APBA1: variants seen among roughly 807,000 people sequenced by gnomAD.
The protein encoded by APBA1 is amyloid-beta A4 precursor protein-binding family A member 1.
Under a neutral mutation model 86.6 loss-of-function variants are expected in APBA1, and 55 were observed. The observed-to-expected ratio is 0.64, with a 90% CI of 0.51 to 0.80. The LOEUF (loss-of-function observed/expected upper bound fraction) is 0.80, where lower values mean the gene tolerates loss of function less well. Ranked by LOEUF, APBA1 falls within the 30% of genes least tolerant of loss-of-function variation. APBA1 has a pLI of 0.00. For missense variants in APBA1, 1,090 were observed against 1,183.0 expected (o/e 0.92, Z 1.15); for synonymous variants, 511 against 493.9 (o/e 1.03, Z -0.46).
At chr9:69,484,574 T>C (rs1292465049) in intron 2 of APBA1, among the ~76,000 whole-genome samples, 1 of 152,210 alleles carries the variant, frequency 6.6e-6, no homozygotes, top group Non-Finnish European at 1.5e-5. Flanking sequence ...ACATTCAATG[T>C]TCAGCTCAAA....
At chr9:69,528,171 T>C (rs1164276099) in intron 1 of APBA1, among the ~76,000 whole-genome samples, 1 of 152,152 alleles carries the variant, frequency 6.6e-6, no homozygotes, top group Admixed American at 6.5e-5. Context: ...ATTTATATTA[T>C]TGTGTGATGA....
rs151064536 is a variant in APBA1 at position 69,660,500 on chromosome 9, T to C, written c.-70+11653A>G. Among the ~76,000 whole-genome samples, 132 of 152,332 alleles carry C rather than the reference T, an allele frequency of 8.7e-4. 5 individuals are homozygous for C. The East Asian group carries it at 0.023, about 27-fold the overall frequency. ...AACAAGCGCTTTTCATGCTGAAATG[T>C]TGGTTTTGTTTGTCTGTTTGCTTTT... On this transcript the variant is annotated intron_variant, in intron 1 of 12. Coordinates refer to ENST00000265381, the MANE Select transcript of APBA1 (RefSeq NM_001163.4).
chr9:69,602,040 A>C (rs10120072), intron 1 of APBA1, among the ~76,000 whole-genome samples: 3 of 152,230 alleles, frequency 2.0e-5, no homozygotes, highest in Non-Finnish European at 4.4e-5. Context: ...AACCATTCAT[A>C]CATTCAAAAG....
chr9:69,619,459 C>T (rs1822769806), intron 1 of APBA1, among the ~76,000 whole-genome samples: 1 of 152,174 alleles, frequency 6.6e-6, no homozygotes, highest in Non-Finnish European at 1.5e-5. Flanking sequence ...AATCTCTATT[C>T]CCTCAGCCAT....
At chr9:69,607,178 T>C (rs760409836) in intron 1 of APBA1, among the ~76,000 whole-genome samples, 11 of 152,114 alleles carry the variant, frequency 7.2e-5, no homozygotes, top group African/African-American at 1.2e-4. Context: ...CTGGGTAATA[T>C]ATAAAGGAAA....
At chr9:69,448,020 C>G (rs932357999) in intron 10 of APBA1, among the ~76,000 whole-genome samples, 1 of 151,982 alleles carries the variant, frequency 6.6e-6, no homozygotes, top group East Asian at 1.9e-4. Flanking sequence ...CCCACCCCCC[C>G]GCTTGCCTCT....
intron 1 of APBA1, among the ~76,000 whole-genome samples, chr9:69,595,625 TGG>T (rs1429797608): frequency 6.6e-6 from 1 of 152,226 alleles, no homozygotes; most frequent in African/African-American, 2.4e-5. Flanking sequence ...TTTTTATTTG[TGG>T]GTTCATACAT....
chr9:69,654,519 C>A (rs1226125497), intron 1 of APBA1, among the ~76,000 whole-genome samples: 1 of 151,972 alleles, frequency 6.6e-6, no homozygotes, highest in South Asian at 2.1e-4. Context: ...AATAGAAAAC[C>A]TGAATAGACC....
chr9:69,536,417 T>C (rs1250225518), intron 1 of APBA1, among the ~76,000 whole-genome samples: 2 of 152,008 alleles, frequency 1.3e-5, no homozygotes, highest in Non-Finnish European at 2.9e-5. Flanking sequence ...CACACGCCTG[T>C]TCATTTGCCC....
Position 69,496,734 on chromosome 9 carries a change from C to T in APBA1, c.1200+19277G>A, listed in dbSNP as rs191242582. ...GGGCATCTCTCAAAACACTTTCTTC[C>T]GTCTATTAATTATTTAAAGAGAGAA... On this transcript the variant is annotated intron_variant, in intron 2 of 12. Coordinates refer to ENST00000265381, the MANE Select transcript of APBA1 (RefSeq NM_001163.4). Among the ~76,000 whole-genome samples the T allele has an allele frequency of 3.2e-4, 49 of 152,064 alleles. 1 individual carries two copies. Among genetic ancestry groups the T allele is most frequent in the African/African-American group, 1.0e-3 (43 of 41,430 alleles).
At chr9:69,591,995 A>T (rs535583411) in intron 1 of APBA1, among the ~76,000 whole-genome samples, 2 of 152,360 alleles carry the variant, frequency 1.3e-5, no homozygotes, top group African/African-American at 4.8e-5. Flanking sequence ...TCTTCAAGAC[A>T]TGCTCGTTTC....
chr9:69,655,477 C>T (rs1823590619), intron 1 of APBA1, among the ~76,000 whole-genome samples: 1 of 151,840 alleles, frequency 6.6e-6, no homozygotes. Context: ...GAAAGCAAAT[C>T]CATTTACAAT....
intron 2 of APBA1, among the ~76,000 whole-genome samples, chr9:69,494,730 G>C (rs1203345806): frequency 6.6e-6 from 1 of 152,090 alleles, no homozygotes; most frequent in Non-Finnish European, 1.5e-5. Context: ...AGCTCTGTGG[G>C]AGAGAAAAAC....
intron 1 of APBA1, among the ~76,000 whole-genome samples, chr9:69,612,032 GTC>G (rs919523084): frequency 3.3e-5 from 5 of 152,056 alleles, no homozygotes; most frequent in African/African-American, 1.2e-4. Flanking sequence ...TTATATTTGT[GTC>G]TCTATATATT....
At chr9:69,519,206 G>A (rs1358389186) in intron 1 of APBA1, among the ~76,000 whole-genome samples, 1 of 152,214 alleles carries the variant, frequency 6.6e-6, no homozygotes, top group Admixed American at 6.5e-5. Flanking sequence ...GCAGCAGGGT[G>A]GGGTGGGGAA....
At chr9:69,580,897 A>G (rs1187437307) in intron 1 of APBA1, among the ~76,000 whole-genome samples, 3 of 152,182 alleles carry the variant, frequency 2.0e-5, no homozygotes, top group Non-Finnish European at 4.4e-5. Flanking sequence ...CTAAAGAGCT[A>G]TCCCTAAACT....
intron 8 of APBA1, among the ~76,000 whole-genome samples, chr9:69,454,233 T>A (rs1163753002): frequency 6.6e-6 from 1 of 152,166 alleles, no homozygotes; most frequent in Non-Finnish European, 1.5e-5. Flanking sequence ...ACTTTACAAA[T>A]CACATCAAGA....
At chr9:69,523,499 A>ATATATATATG (rs1836292375) in intron 1 of APBA1, among the ~76,000 whole-genome samples, 1 of 31,138 alleles carries the variant, frequency 3.2e-5, no homozygotes, top group African/African-American at 7.6e-5. Context: ...ATATATATGT[A>ATATATATATG]TATATATATA....
At chr9:69,432,697 G>A in intron 11 of APBA1, 21 bp from the exon 12 acceptor site, 1 of 1,534,886 alleles carries the variant, frequency 6.5e-7, no homozygotes, top group East Asian at 2.5e-5. Context: ...CAAAGGCAGA[G>A]TTACCCTCAT....
Sources: allele counts gnomAD v4.1 joint callset (sites outside exome capture counted in the v4.1 genomes callset), GRCh38; gene constraint gnomAD v4.1.1; transcripts MANE v1.5; gene names NCBI Gene and HGNC (gene_info 2026-07-23, HGNC 2026-07-21).